Variants in RASGRP2 observed in about 807,000 individuals in gnomAD.
RASGRP2 encodes the protein RAS guanyl releasing protein 2.
RASGRP2 carries 44 observed loss-of-function variants against 71.0 expected under a neutral mutation model. That is an observed-to-expected ratio of 0.62 (90% CI 0.49 to 0.80). RASGRP2 has a LOEUF of 0.80. RASGRP2 is among the 30% of genes least tolerant of loss of function. The pLI is 0.00. For synonymous variants in RASGRP2, 350 were observed against 330.7 expected, an observed-to-expected ratio of 1.06 and a Z score of -0.63; for missense variants, 663 against 813.4, an observed-to-expected ratio of 0.82 and a Z score of 2.25.
At position 64,730,183 on chromosome 11, in the gene RASGRP2, A is replaced by T; in HGVS notation, c.1424T>A (p.Ile475Asn). The change falls in exon 13 of 17, where the codon ATC becomes AAC. Residue 475 changes from isoleucine (I) to asparagine (N), a missense_variant. By Grantham distance (149) the Ile-to-Asn change is moderately radical. Transcript: ENST00000394432. ...ATAGGAAACCATCTCCTCCCTGCTGATGCAGCCATCCCTGTGGGGAGTTGC... is the reference window on the plus strand; with the variant it reads ...ATAGGAAACCATCTCCTCCCTGCTGTTGCAGCCATCCCTGTGGGGAGTTGC... ...GDLDQNQDGCISREEMVSYFL... is the reference protein window; with the variant it reads ...GDLDQNQDGCNSREEMVSYFL... 1.3e-6 allele frequency: 2 copies of T among 1,551,638 alleles called. No individual in the cohort carries two copies. The highest frequency in any genetic ancestry group is 8.7e-7 in the Non-Finnish European group (1 of 1,147,016).
chr11:64,740,256 A>G, intron 5 of RASGRP2, 93 bp from the exon 6 acceptor site: 1 of 1,524,896 alleles, frequency 6.6e-7, no homozygotes, highest in South Asian at 1.1e-5. Context: ...CTTACTGAGA[A>G]CCTACATAAT....
chr11:64,729,953 G>T (rs866022932), intron 13 of RASGRP2, 100 bp downstream of exon 13: 1 of 1,529,198 alleles, frequency 6.5e-7, no homozygotes, highest in African/African-American at 1.4e-5. Flanking sequence ...AGGTTTTCCT[G>T]GCTTGAGAAG....
In RASGRP2 at chr11:64,741,861, G is replaced by A. The variant is rs527862479; in HGVS notation, c.176+149C>T. ...GGAGCAAGGAGGGGGCAGAGCCTAG[G>A]CCCTAGTTGGAGGCTGGGACGACGC... On this transcript the variant is annotated intron_variant, in intron 3 of 16. Transcript: ENST00000394432. The A allele has an allele frequency of 9.5e-6, 7 of 737,378 alleles. No individual in the cohort carries two copies. In the East Asian group the frequency reaches 1.9e-4, roughly 20 times the overall value. 45.7% of individuals were successfully genotyped at this position (737,378 alleles called of 1,614,324 possible). A position where few individuals can be genotyped will look rare whatever the true frequency, so the allele number is the denominator to read the frequency against.
In RASGRP2 at chr11:64,735,237, G is replaced by A. The variant is rs759640692; in HGVS notation, c.1297-10C>T. ...AGTTCCGGAACACAGACTGGGGCAC[G>A]CAGAGGGACACGCAGAGCCAGAAGA... On this transcript the variant is annotated splice_polypyrimidine_tract_variant and intron_variant, in intron 11 of 16. Transcript: ENST00000394432. This position sits in a 1 kb window ranked among gnomAD's most constrained non-coding sequence, Gnocchi z 4.2. 28 of 1,602,458 alleles carry A rather than the reference G, an allele frequency of 1.7e-5. No homozygotes were observed. The Admixed American group carries it at 1.8e-4, about 10-fold the overall frequency.
chr11:64,731,755 G>A (rs2057775196), intron 12 of RASGRP2, among the ~76,000 whole-genome samples: 1 of 152,198 alleles, frequency 6.6e-6, no homozygotes, highest in African/African-American at 2.4e-5. Flanking sequence ...TTGCCAATGA[G>A]ACTGGCAAAA....
rs927589074 is a variant in RASGRP2 at position 64,743,520 on chromosome 11, G to C, written c.-72+483C>G. ...TAGGGGAGGCGGACTGGATGGGAGAGGAACATTCCTGGGGCGGGGGGAGCC... is the reference window on the plus strand; with the variant it reads ...TAGGGGAGGCGGACTGGATGGGAGACGAACATTCCTGGGGCGGGGGGAGCC... On this transcript the variant is annotated intron_variant, in intron 1 of 16. Transcript: ENST00000394432. This position sits in a 1 kb window ranked among gnomAD's most constrained non-coding sequence, Gnocchi z 4.9. 1 of 342,610 alleles carries C rather than the reference G, an allele frequency of 2.9e-6. No individual in the cohort carries two copies. Among genetic ancestry groups the C allele is most frequent in the African/African-American group, 2.2e-5 (1 of 44,820 alleles). 21.2% of individuals were successfully genotyped at this position (342,610 alleles called of 1,614,324 possible).
At chr11:64,732,875 G>A (rs796587398) in intron 12 of RASGRP2, among the ~76,000 whole-genome samples, 34 of 151,654 alleles carry the variant, frequency 2.2e-4, no homozygotes, top group African/African-American at 7.3e-4. Flanking sequence ...ACTTGAACCC[G>A]GGAGGCGGAG....
At chr11:64,729,925 G>A (rs909506574) in intron 13 of RASGRP2, 127 bp from the exon 14 acceptor site, 4 of 1,545,602 alleles carry the variant, frequency 2.6e-6, no homozygotes, top group Non-Finnish European at 3.5e-6. Flanking sequence ...CACAGGAGGA[G>A]AGGCAAATAG....
chr11:64,737,165 C>T, intron 8 of RASGRP2, 131 bp from the exon 9 acceptor site: 1 of 1,082,704 alleles, frequency 9.2e-7, no homozygotes, highest in East Asian at 2.6e-5. Flanking sequence ...CCTTACTGTC[C>T]CCCACGACTG....
At chr11:64,729,843 G>A (rs1301749200) in intron 13 of RASGRP2, 45 bp from the exon 14 acceptor site, 2 of 1,606,662 alleles carry the variant, frequency 1.2e-6, no homozygotes, top group Admixed American at 3.3e-5. Context: ...ATTTAGAGGT[G>A]ATGACTCTAC....
Position 64,730,147 on chromosome 11 carries a change from G to GA in RASGRP2, c.1459dup (p.Ser487PhefsTer61). ...CATGCGCCCCCCCAACACAGAGCTG[G>GA]AGCGCAGGAAATAGGAAACCATCTC... is the stretch of plus-strand genomic sequence containing the variant. On this transcript the variant is annotated frameshift_variant, in exon 13 of 17. Coordinates refer to ENST00000394432, the MANE Select transcript of RASGRP2 (RefSeq NM_001098671.2). LOFTEE classifies it high-confidence loss of function. The GA allele has an allele frequency of 1.3e-6, 2 of 1,551,592 alleles. No individual in the cohort carries two copies. Among genetic ancestry groups the GA allele is most frequent in the Non-Finnish European group, 1.7e-6 (2 of 1,147,010 alleles).
rs1273960976 is a variant in RASGRP2, at chr11:64,735,484, C to T, written c.1296+58G>A. The T allele has an allele frequency of 3.1e-6, 5 of 1,611,340 alleles. No individual in the cohort carries two copies. Among genetic ancestry groups the T allele is most frequent in the African/African-American group, 2.7e-5 (2 of 74,906 alleles). On this transcript the variant is annotated intron_variant, in intron 11 of 16. Coordinates refer to ENST00000394432, the MANE Select transcript of RASGRP2 (RefSeq NM_001098671.2). The surrounding 1 kb of genome is among the most constrained non-coding windows in gnomAD (Gnocchi z 4.2). ...AGGACACTCGTGCTGGCTTCCAGGG[C>T]AGTGCTCCGGCAAACTGGCCTCTCC...
At chr11:64,741,981 G>A (rs761253338) in intron 3 of RASGRP2, 29 bp downstream of exon 3, 4 of 1,585,106 alleles carry the variant, frequency 2.5e-6, no homozygotes, top group Admixed American at 3.5e-5. Flanking sequence ...TCCGACGGCG[G>A]GGGCCTTGGC....
intron 12 of RASGRP2, among the ~76,000 whole-genome samples, chr11:64,731,548 C>T (rs1252691931): frequency 6.6e-6 from 1 of 151,956 alleles, no homozygotes; most frequent in East Asian, 1.9e-4. Flanking sequence ...TTTGCAAACA[C>T]ATTCAACAGC....
chr11:64,736,271 A>C (rs367570718), intron 9 of RASGRP2, among the ~76,000 whole-genome samples: 2 of 152,198 alleles, frequency 1.3e-5, no homozygotes, highest in African/African-American at 4.8e-5. Context: ...TCCCCTCCAG[A>C]GCCCAGAAGC....
intron 12 of RASGRP2, among the ~76,000 whole-genome samples, chr11:64,733,696 A>T (rs1459646210): frequency 6.6e-6 from 1 of 152,148 alleles, no homozygotes; most frequent in Non-Finnish European, 1.5e-5. Context: ...AACAGACACC[A>T]AACAAACAAA....
At chr11:64,727,996 T>C (rs565242648) in intron 15 of RASGRP2, among the ~76,000 whole-genome samples, 121 of 152,350 alleles carry the variant, frequency 7.9e-4, no homozygotes, top group African/African-American at 2.8e-3. Flanking sequence ...TGAGGATGTA[T>C]GCCCTGTGCC....
chr11:64,731,141 G>C (rs995650028), intron 12 of RASGRP2, among the ~76,000 whole-genome samples: 2 of 152,232 alleles, frequency 1.3e-5, no homozygotes, highest in African/African-American at 4.8e-5. Context: ...TGGATCACGA[G>C]GTCAGGAGTT....
intron 3 of RASGRP2, 51 bp from the exon 4 acceptor site, chr11:64,741,552 G>C: frequency 6.8e-7 from 1 of 1,461,154 alleles, no homozygotes; most frequent in Non-Finnish European, 9.4e-7. Flanking sequence ...GGAGGCCTGC[G>C]TGGAGGGAGG....
Sources: allele counts gnomAD v4.1 joint callset (sites outside exome capture counted in the v4.1 genomes callset), GRCh38; gene constraint gnomAD v4.1.1; non-coding constraint Gnocchi (gnomAD v3.1); transcripts MANE v1.5; gene names NCBI Gene and HGNC (gene_info 2026-07-23, HGNC 2026-07-21).